KSR2: variants seen among roughly 807,000 people sequenced by gnomAD.
KSR2 encodes kinase suppressor of ras 2.
A neutral mutation model predicts 107.8 loss-of-function variants in KSR2; 25 were observed. The observed-to-expected ratio is 0.23, with a 90% CI of 0.17 to 0.32. The LOEUF (loss-of-function observed/expected upper bound fraction) is 0.32, where lower values mean the gene tolerates loss of function less well. Ranked by LOEUF, KSR2 falls within the 10% of genes least tolerant of loss-of-function variation. The pLI is 1.00. For synonymous variants in KSR2, 480 were observed against 507.0 expected (o/e 0.95, Z 0.71); for missense variants, 887 against 1,268.9 (o/e 0.70, Z 4.57).
intron 1 of KSR2, among the ~76,000 whole-genome samples, chr12:117,939,436 G>T (rs1231272126): frequency 6.6e-6 from 1 of 152,126 alleles, no homozygotes; most frequent in Non-Finnish European, 1.5e-5. Flanking sequence ...GGCTGGGTCG[G>T]GTGCGGTGGC....
chr12:117,495,733 A>G (rs974942705), intron 14 of KSR2, among the ~76,000 whole-genome samples: 2 of 152,192 alleles, frequency 1.3e-5, no homozygotes, highest in Non-Finnish European at 2.9e-5. Context: ...TCTTCTCCCC[A>G]GAACTGAATC....
At chr12:117,834,260 G>A (rs1054188421) in intron 3 of KSR2, among the ~76,000 whole-genome samples, 2 of 152,130 alleles carry the variant, frequency 1.3e-5, no homozygotes, top group South Asian at 2.1e-4. Context: ...TCCACCCTCT[G>A]GTCAGTGGTA....
chr12:117,506,544 G>A (rs1317809880), intron 14 of KSR2, among the ~76,000 whole-genome samples: 1 of 152,186 alleles, frequency 6.6e-6, no homozygotes, highest in Admixed American at 6.5e-5. Context: ...TGTCAGAAGA[G>A]TTTTGGGTCA....
At chr12:117,535,359 G>A (rs1470403428) in intron 10 of KSR2, among the ~76,000 whole-genome samples, 6 of 152,174 alleles carry the variant, frequency 3.9e-5, no homozygotes, top group Admixed American at 3.9e-4. Context: ...CTAGTCTCAT[G>A]CAGCTGGCAT....
At chr12:117,495,111 T>C (rs1592927034) in intron 14 of KSR2, among the ~76,000 whole-genome samples, 1 of 152,310 alleles carries the variant, frequency 6.6e-6, no homozygotes, top group East Asian at 1.9e-4. Context: ...AAGTCAGCTG[T>C]TATTTCAAAA....
In KSR2 at chr12:117,514,882, C is replaced by T. The variant is rs78825514; in HGVS notation, c.2219+9970G>A. Reference sequence around the variant, plus strand: ...TAGTTTCATATCTCTTGCTACTCCCCGTATATATCCTCTACTCCAGCTCTT... The same window carrying T: ...TAGTTTCATATCTCTTGCTACTCCCTGTATATATCCTCTACTCCAGCTCTT... On this transcript the variant is annotated intron_variant, in intron 14 of 19. Transcript: ENST00000339824. Among the ~76,000 whole-genome samples the T allele has an allele frequency of 3.6e-3, 545 of 152,166 alleles. 2 individuals are homozygous for T. The highest frequency in any genetic ancestry group is 0.015 in the East Asian group (77 of 5,166).
At chr12:117,558,245 G>C (rs1877843276) in intron 8 of KSR2, among the ~76,000 whole-genome samples, 1 of 152,332 alleles carries the variant, frequency 6.6e-6, no homozygotes, top group Middle Eastern at 3.4e-3. Context: ...CAGGATGAGA[G>C]AGCAGGGGTT....
chr12:117,759,487 T>C (rs1377951833), intron 4 of KSR2, among the ~76,000 whole-genome samples: 2 of 152,220 alleles, frequency 1.3e-5, no homozygotes, highest in Admixed American at 1.3e-4. Flanking sequence ...AAAATATACA[T>C]AATATAAAAT....
chr12:117,758,713 G>A (rs1888886643), intron 4 of KSR2, among the ~76,000 whole-genome samples: 1 of 152,222 alleles, frequency 6.6e-6, no homozygotes, highest in African/African-American at 2.4e-5. Flanking sequence ...CAGGGGTCTA[G>A]GGAAAGGACA....
intron 4 of KSR2, among the ~76,000 whole-genome samples, chr12:117,708,273 G>A (rs560152354): frequency 6.6e-5 from 10 of 152,298 alleles, no homozygotes; most frequent in African/African-American, 2.4e-4. Flanking sequence ...TCCGGAACTT[G>A]AGGACTCCAG....
chr12:117,763,560 G>A (rs927946442), intron 3 of KSR2, among the ~76,000 whole-genome samples: 5 of 152,080 alleles, frequency 3.3e-5, no homozygotes, highest in Non-Finnish European at 7.4e-5. Context: ...TCTCTTTCCC[G>A]GGTGCCTGCA....
At chr12:117,541,400 G>T (rs1876483981) in intron 9 of KSR2, among the ~76,000 whole-genome samples, 1 of 152,228 alleles carries the variant, frequency 6.6e-6, no homozygotes, top group Non-Finnish European at 1.5e-5. Flanking sequence ...GAAAGGGACA[G>T]ATTGGTGCTG....
chr12:117,554,169 G>A (rs1472794212), intron 9 of KSR2, among the ~76,000 whole-genome samples: 1 of 152,070 alleles, frequency 6.6e-6, no homozygotes, highest in Non-Finnish European at 1.5e-5. Flanking sequence ...TGTGAGGCTG[G>A]GCATACCCCC....
chr12:117,565,586 G>A (rs1163919586), intron 7 of KSR2, among the ~76,000 whole-genome samples: 2 of 152,066 alleles, frequency 1.3e-5, no homozygotes, highest in Admixed American at 1.3e-4. Flanking sequence ...ATATGGCTAT[G>A]GAATCACAAT....
At chr12:117,483,544 G>A (rs1033808456) in intron 16 of KSR2, among the ~76,000 whole-genome samples, 1 of 151,920 alleles carries the variant, frequency 6.6e-6, no homozygotes, top group Admixed American at 6.6e-5. Flanking sequence ...GAGAGAGAGC[G>A]AGAGAGAGAC....
chr12:117,606,454 TC>T (rs1341732376), intron 5 of KSR2, among the ~76,000 whole-genome samples: 26 of 87,328 alleles, frequency 3.0e-4, no homozygotes, highest in African/African-American at 1.0e-3. Context: ...CCTTCCTCCC[TC>T]CCTCCCCTCC....
At chr12:117,702,931 G>C (rs994359870) in intron 4 of KSR2, among the ~76,000 whole-genome samples, 16 of 152,324 alleles carry the variant, frequency 1.1e-4, no homozygotes, top group South Asian at 2.1e-4. Context: ...CAACTGACTG[G>C]AGTGGAAGCC....
chr12:117,737,298 G>A (rs1887983053), intron 4 of KSR2, among the ~76,000 whole-genome samples: 1 of 152,210 alleles, frequency 6.6e-6, no homozygotes, highest in African/African-American at 2.4e-5. Flanking sequence ...AAATCAGTGA[G>A]ATTTGCTTCA....
intron 5 of KSR2, among the ~76,000 whole-genome samples, chr12:117,583,019 T>C (rs1226033680): frequency 6.6e-6 from 1 of 152,230 alleles, no homozygotes; most frequent in African/African-American, 2.4e-5. Flanking sequence ...CAGAAAGCCA[T>C]ATCAATTTCT....
Sources: allele counts gnomAD v4.1 joint callset (sites outside exome capture counted in the v4.1 genomes callset), GRCh38; gene constraint gnomAD v4.1.1; transcripts MANE v1.5; gene names NCBI Gene and HGNC (gene_info 2026-07-23, HGNC 2026-07-21).